The following CNTNAP2 variants were observed in gnomAD, a reference collection of about 807,000 sequenced individuals.
The protein encoded by CNTNAP2 is contactin associated protein 2, also known as contactin-associated protein-like 2.
A neutral mutation model predicts 155.2 loss-of-function variants in CNTNAP2; 98 were observed. The ratio of observed to expected loss-of-function variants is 0.63; its 90% CI spans 0.54 to 0.75. The LOEUF (loss-of-function observed/expected upper bound fraction) is 0.75. Among genes scored for constraint, CNTNAP2 ranks in the 30% least tolerant of loss-of-function variants. The pLI is 0.00. For synonymous variants in CNTNAP2, 651 were observed against 631.2 expected, an observed-to-expected ratio of 1.03 and a Z score of -0.47; for missense variants, 1,727 against 1,688.1, an observed-to-expected ratio of 1.02 and a Z score of -0.40.
At chr7:147,856,190 C>A (rs935282028) in intron 13 of CNTNAP2, among the ~76,000 whole-genome samples, 11 of 152,168 alleles carry the variant, frequency 7.2e-5, no homozygotes, top group African/African-American at 2.7e-4. Flanking sequence ...GTTTCTTGTT[C>A]AGCCATAGTT....
At chr7:147,881,361 T>G (rs1799517827) in intron 13 of CNTNAP2, among the ~76,000 whole-genome samples, 1 of 152,150 alleles carries the variant, frequency 6.6e-6, no homozygotes, top group South Asian at 2.1e-4. Flanking sequence ...ACCAAAGGTG[T>G]GTATTGTAGT....
At chr7:147,789,522 C>G (rs544262010) in intron 13 of CNTNAP2, among the ~76,000 whole-genome samples, 1 of 152,222 alleles carries the variant, frequency 6.6e-6, no homozygotes, top group Non-Finnish European at 1.5e-5. Context: ...GGTGAATGTA[C>G]TGACAGCTTC....
chr7:146,489,992 T>C (rs1797115207), intron 1 of CNTNAP2, among the ~76,000 whole-genome samples: 2 of 151,856 alleles, frequency 1.3e-5, no homozygotes, highest in African/African-American at 4.8e-5. Context: ...CAGTGATGGG[T>C]AGGGATCAAT....
intron 1 of CNTNAP2, among the ~76,000 whole-genome samples, chr7:146,144,421 G>A (rs1368495113): frequency 6.6e-6 from 1 of 152,094 alleles, no homozygotes; most frequent in Non-Finnish European, 1.5e-5. Context: ...AAAAGTGCTA[G>A]GATTATAGAT....
chr7:147,175,316 A>G (rs1197854741), intron 8 of CNTNAP2, among the ~76,000 whole-genome samples: 2 of 151,754 alleles, frequency 1.3e-5, no homozygotes, highest in Admixed American at 6.6e-5. Context: ...TTTCATTTAA[A>G]CCATTCAGCA....
intron 1 of CNTNAP2, among the ~76,000 whole-genome samples, chr7:146,596,614 AG>A (rs1324992050): frequency 6.8e-6 from 1 of 146,272 alleles, no homozygotes; most frequent in African/African-American, 2.6e-5. Flanking sequence ...AGAGAGAGAG[AG>A]AGAGAGAGAG....
At chr7:146,478,447 C>G (rs1418871376) in intron 1 of CNTNAP2, among the ~76,000 whole-genome samples, 1 of 151,938 alleles carries the variant, frequency 6.6e-6, no homozygotes, top group Admixed American at 6.6e-5. Flanking sequence ...ACCCTCCAAG[C>G]GGGGCCTCTT....
At chr7:146,624,245 C>A (rs963928895) in intron 1 of CNTNAP2, among the ~76,000 whole-genome samples, 1 of 151,930 alleles carries the variant, frequency 6.6e-6, no homozygotes, top group Non-Finnish European at 1.5e-5. Flanking sequence ...TTTTGAAGAG[C>A]AAATATTTTA....
At chr7:146,518,013 ACTAT>A (rs1335023551) in intron 1 of CNTNAP2, among the ~76,000 whole-genome samples, 4 of 151,960 alleles carry the variant, frequency 2.6e-5, no homozygotes, top group Non-Finnish European at 4.4e-5. Flanking sequence ...TTACCCAGTA[ACTAT>A]CTATTTAAAA....
At chr7:146,203,376 G>T (rs1400195026) in intron 1 of CNTNAP2, among the ~76,000 whole-genome samples, 1 of 152,186 alleles carries the variant, frequency 6.6e-6, no homozygotes, top group East Asian at 1.9e-4. Context: ...TATTAGAGCT[G>T]CTTACAGAAC....
At chr7:146,911,015 C>G (rs1186259826) in intron 3 of CNTNAP2, among the ~76,000 whole-genome samples, 1 of 151,800 alleles carries the variant, frequency 6.6e-6, no homozygotes, top group East Asian at 1.9e-4. Context: ...AGACACTTCT[C>G]AAGAGAAGAC....
chr7:148,325,491 A>G (rs778558376), intron 21 of CNTNAP2, among the ~76,000 whole-genome samples: 15 of 152,242 alleles, frequency 9.9e-5, no homozygotes, highest in Non-Finnish European at 2.1e-4. Context: ...AAGTAAATAA[A>G]GGAGAATCTT....
chr7:147,581,038 T>G (rs1800490418), intron 12 of CNTNAP2, among the ~76,000 whole-genome samples: 1 of 152,210 alleles, frequency 6.6e-6, no homozygotes, highest in African/African-American at 2.4e-5. Flanking sequence ...GCACTTCATG[T>G]GAACAATTCC....
At chr7:146,836,511 A>G (rs1203448665) in intron 2 of CNTNAP2, among the ~76,000 whole-genome samples, 3 of 152,304 alleles carry the variant, frequency 2.0e-5, no homozygotes, top group African/African-American at 7.2e-5. Context: ...ATACCACCTC[A>G]TATGTAAAGT....
chr7:146,932,861 CT>C (rs200104843), intron 3 of CNTNAP2, among the ~76,000 whole-genome samples: 1,533 of 152,226 alleles, frequency 0.01, 12 homozygotes, highest in Non-Finnish European at 0.014. Context: ...AAAAAAATAC[CT>C]AGGAATCCAA....
chr7:147,230,972 G>T (rs1053388134), intron 8 of CNTNAP2, among the ~76,000 whole-genome samples: 19 of 152,184 alleles, frequency 1.2e-4, no homozygotes, highest in African/African-American at 3.1e-4. Context: ...CTGTGTGGCT[G>T]GGGAGACCTC....
At chr7:147,749,761 T>C (rs1013463124) in intron 13 of CNTNAP2, among the ~76,000 whole-genome samples, 1 of 152,228 alleles carries the variant, frequency 6.6e-6, no homozygotes, top group Non-Finnish European at 1.5e-5. Flanking sequence ...TCTGTGTTAA[T>C]GAAGTAAATC....
intron 18 of CNTNAP2, among the ~76,000 whole-genome samples, chr7:148,213,336 G>A (rs1208747643): frequency 2.0e-5 from 3 of 152,088 alleles, no homozygotes; most frequent in African/African-American, 7.2e-5. Context: ...TCCAGTTCTG[G>A]CTTCGGGATG....
At chr7:146,302,185 T>C (rs1465163337) in intron 1 of CNTNAP2, among the ~76,000 whole-genome samples, 1 of 152,164 alleles carries the variant, frequency 6.6e-6, no homozygotes, top group Non-Finnish European at 1.5e-5. Context: ...TGTTGCTACA[T>C]GACAAAATGA....
Sources: gnomAD v4.1 joint callset for allele counts (sites outside exome capture counted in the v4.1 genomes callset) on GRCh38, gnomAD v4.1.1 for gene constraint, MANE v1.5 for transcripts, NCBI Gene and HGNC (gene_info 2026-07-23, HGNC 2026-07-21) for gene names.